CDC42EP1: variants seen among roughly 807,000 people sequenced by gnomAD.
CDC42EP1 encodes the protein 55 kDa bone marrow stromal/endothelial cell protein.
A neutral mutation model predicts 7.4 loss-of-function variants in CDC42EP1; 6 were observed. The observed-to-expected ratio is 0.81, with a 90% CI of 0.44 to 1.60. CDC42EP1 has a LOEUF of 1.60. Among genes scored for constraint, CDC42EP1 ranks in the 40% most tolerant of loss-of-function variants. The pLI is 0.01. For missense variants in CDC42EP1, 567 were observed against 539.0 expected (o/e 1.05, Z -0.51); for synonymous variants, 238 against 227.1 (o/e 1.05, Z -0.43).
chr22:37,563,221 C>G (rs769557630), intron 1 of CDC42EP1, among the ~76,000 whole-genome samples: 15 of 152,226 alleles, frequency 9.9e-5, no homozygotes, highest in Non-Finnish European at 1.8e-4. Context: ...GCTCCCATTC[C>G]TTCCCCCAGA....
intron 1 of CDC42EP1, among the ~76,000 whole-genome samples, chr22:37,562,153 A>C (rs898845833): frequency 6.6e-6 from 1 of 152,050 alleles, no homozygotes. Flanking sequence ...AGCCCTCCAA[A>C]TCGTCTTCCC....
chr22:37,561,971 T>C (rs903023422), intron 1 of CDC42EP1, among the ~76,000 whole-genome samples: 3 of 152,318 alleles, frequency 2.0e-5, no homozygotes, highest in African/African-American at 7.2e-5. Context: ...GCTCAGGCCA[T>C]GTGCCCAGGC....
At chr22:37,563,024 G>A (rs1339219096) in intron 1 of CDC42EP1, among the ~76,000 whole-genome samples, 2 of 152,052 alleles carry the variant, frequency 1.3e-5, no homozygotes, top group East Asian at 1.9e-4. Flanking sequence ...TGGGAGGATC[G>A]CTTGAGCCTG....
chr22:37,560,954 ATGTCTCCCCTCCGC>A (rs1428935383), intron 1 of CDC42EP1, among the ~76,000 whole-genome samples: 1 of 143,648 alleles, frequency 7.0e-6, no homozygotes, highest in African/African-American at 2.6e-5. Context: ...ACGCGGCGGA[ATGTCTCCCCTCCGC>A]CGAGGCCCAC....
At chr22:37,563,999 C>T (rs1479598055) in intron 1 of CDC42EP1, among the ~76,000 whole-genome samples, 2 of 152,228 alleles carry the variant, frequency 1.3e-5, no homozygotes, top group African/African-American at 2.4e-5. Flanking sequence ...CCTCCAAGTG[C>T]ATTGCCGATC....
intron 1 of CDC42EP1, among the ~76,000 whole-genome samples, chr22:37,561,127 C>T (rs1925025134): frequency 6.6e-6 from 1 of 152,178 alleles, no homozygotes. Context: ...CGTCCCCTTC[C>T]CCCGCGGAGC....
intron 1 of CDC42EP1, among the ~76,000 whole-genome samples, chr22:37,562,156 G>C (rs2235335): frequency 0.3 from 46,083 of 152,058 alleles, 7,189 homozygotes; most frequent in Middle Eastern, 0.34. Context: ...CCTCCAAATC[G>C]TCTTCCCCAT....
chr22:37,561,061 C>T (rs1011515380), intron 1 of CDC42EP1, among the ~76,000 whole-genome samples: 2 of 152,136 alleles, frequency 1.3e-5, no homozygotes, highest in Non-Finnish European at 2.9e-5. Context: ...GCATTCCAGG[C>T]TGGAGCCGCG....
At position 37,566,365 on chromosome 22, in the gene CDC42EP1, G is replaced by C. The variant is rs760004282; in HGVS notation, c.16G>C (p.Gly6Arg). The C allele has an allele frequency of 3.3e-6, 5 of 1,524,598 alleles. No individual in the cohort carries two copies. In the East Asian group the frequency reaches 7.3e-5, roughly 22 times the overall value. The allele number at this position is 1,524,598 out of a possible 1,614,324, so 94.4% of individuals were successfully genotyped here. A position where few individuals can be genotyped will look rare whatever the true frequency, so the allele number is the denominator to read the frequency against. Residue 6 changes from glycine (G) to arginine (R), a missense_variant, in exon 2 of 3, where the codon GGG becomes CGG. Transcript: ENST00000249014. This position sits in a 1 kb window ranked among gnomAD's most constrained non-coding sequence, Gnocchi z 6.4. ...GCCAGAGCTGATGCCCGGCCCCCAG[G>C]GGGGCAGAGGCGCCGCCACCATGAG... MPGPQ[G>R]GRGAATMSLG...
At position 37,568,752 on chromosome 22, in the gene CDC42EP1, C is replaced by G; in HGVS notation, c.1108C>G (p.Pro370Ala). ...APQAGSRTPV[P>A]STVQANTFEF... ...CCAGGCAGGCAGCAGGACCCCAGTGCCCAGCACAGTGCAAGCAAACACCTT... is the reference window on the plus strand; with the variant it reads ...CCAGGCAGGCAGCAGGACCCCAGTGGCCAGCACAGTGCAAGCAAACACCTT... Residue 370 changes from proline to alanine, a missense_variant, in exon 3 of 3, where the codon CCC (proline) becomes GCC (alanine). Physicochemically the swap from Pro to Ala is conservative, Grantham distance 27. Transcript: ENST00000249014. 1.3e-6 allele frequency: 2 copies of G among 1,517,082 alleles called. No individual in the cohort carries two copies. Among genetic ancestry groups the G allele is most frequent in the Non-Finnish European group, 1.8e-6 (2 of 1,133,842 alleles). The allele number at this position is 1,517,082 out of a possible 1,614,324, so 94.0% of individuals were successfully genotyped here.
At position 37,566,511 on chromosome 22, in the gene CDC42EP1, C is replaced by T. The variant is rs1021549691; in HGVS notation, c.162C>T (p.Gly54=). The change falls in exon 2 of 3, where the codon GGC becomes GGT. Residue 54 remains glycine (G), a synonymous_variant. Coordinates refer to ENST00000249014, the MANE Select transcript of CDC42EP1 (RefSeq NM_152243.3). This position sits in a 1 kb window ranked among gnomAD's most constrained non-coding sequence, Gnocchi z 6.4. ...DFRHTMHVGR[G]GDVFGDTSFL... ...GCCACACCATGCATGTGGGCCGTGG[C>T]GGGGATGTCTTCGGGGACACGTCCT... 39 of 1,612,024 alleles carry T rather than the reference C, an allele frequency of 2.4e-5. No homozygotes were observed. Among genetic ancestry groups the T allele is most frequent in the Admixed American group, 3.3e-5 (2 of 59,810 alleles).
Position 37,566,443 on chromosome 22 carries a change from C to T in CDC42EP1, c.94C>T (p.Arg32Trp), listed in dbSNP as rs1385547234. 2 of 1,610,942 alleles carry T rather than the reference C, an allele frequency of 1.2e-6. No individual in the cohort carries two copies. The highest frequency in any genetic ancestry group is 1.1e-5 in the South Asian group (1 of 90,492). The part of the protein sequence containing the change: ...GWVSSSQGKR[R>W]LTADMISHPL... ...GGTGTCCAGTTCACAGGGAAAGAGG[C>T]GGCTGACTGCAGACATGATCAGCCA... The change falls in exon 2 of 3, where the codon CGG (arginine) becomes TGG (tryptophan). Residue 32 changes from arginine to tryptophan, a missense_variant. Transcript: ENST00000249014. The surrounding 1 kb of genome is among the most constrained non-coding windows in gnomAD (Gnocchi z 6.4).
Position 37,560,510 on chromosome 22 carries a change from C to G in CDC42EP1, c.-357C>G, listed in dbSNP as rs1246297701. Reference sequence around the variant, plus strand: ...CCGGCCCAGCGACTCTCCCGGGCTGCCAGCCGGGACGCGCGGCCGCCGCCG... The same window carrying G: ...CCGGCCCAGCGACTCTCCCGGGCTGGCAGCCGGGACGCGCGGCCGCCGCCG... On this transcript the variant is annotated 5_prime_UTR_variant, in exon 1 of 3. Coordinates refer to ENST00000249014, the MANE Select transcript of CDC42EP1 (RefSeq NM_152243.3). The G allele has an allele frequency of 6.7e-6, 1 of 149,614 alleles. No homozygotes were observed. Among genetic ancestry groups the G allele is most frequent in the Non-Finnish European group, 1.5e-5 (1 of 67,050 alleles). 9.3% of individuals were successfully genotyped at this position (149,614 alleles called of 1,614,324 possible). A position where few individuals can be genotyped will look rare whatever the true frequency, so the allele number is the denominator to read the frequency against.
chr22:37,561,912 C>T (rs1191810774), intron 1 of CDC42EP1, among the ~76,000 whole-genome samples: 3 of 152,238 alleles, frequency 2.0e-5, no homozygotes, highest in East Asian at 1.9e-4. Context: ...CCTGTTGGCC[C>T]GATCCCGGCT....
At position 37,566,790 on chromosome 22, in the gene CDC42EP1, C is replaced by A. The variant is rs533958979; in HGVS notation, c.441C>A (p.Ser147=). Residue 147 remains serine, a synonymous_variant, in exon 2 of 3, where the codon TCC becomes TCA. Transcript: ENST00000249014. The surrounding 1 kb of genome is among the most constrained non-coding windows in gnomAD (Gnocchi z 6.4). ...KLSFDSSPTS[S]TDGHSSYGLD... is the part of the protein sequence containing the mutation. ...GCTTCGACAGCAGCCCCACCAGCTC[C>A]ACGGACGGCCACTCCAGCTACGGTG... The A allele has an allele frequency of 3.8e-6, 6 of 1,566,614 alleles. No individual in the cohort carries two copies. The East Asian group carries it at 1.3e-4, about 35-fold the overall frequency.
rs528047239 is a variant in CDC42EP1 at position 37,566,704 on chromosome 22, G to T, written c.355G>T (p.Ala119Ser). The T allele has an allele frequency of 1.4e-5, 23 of 1,611,794 alleles. No homozygotes were observed. The South Asian group carries it at 1.9e-4, about 13-fold the overall frequency. ...GGCCATCTCCCCCATCATCAAGAAC[G>T]CCATCTCCCTGCCCCAGCTCAACCA... is the stretch of plus-strand genomic sequence containing the variant. ...PPAISPIIKN[A>S]ISLPQLNQAA... The change falls in exon 2 of 3, where the codon GCC (alanine) becomes TCC (serine). Residue 119 changes from alanine (A) to serine (S), a missense_variant. Physicochemically the swap from Ala to Ser is moderately conservative, Grantham distance 99 (BLOSUM62 1). Coordinates refer to ENST00000249014, the MANE Select transcript of CDC42EP1 (RefSeq NM_152243.3). This position sits in a 1 kb window ranked among gnomAD's most constrained non-coding sequence, Gnocchi z 6.4.
intron 1 of CDC42EP1, among the ~76,000 whole-genome samples, chr22:37,560,822 G>A (rs1277960201): frequency 6.6e-6 from 1 of 152,018 alleles, no homozygotes; most frequent in African/African-American, 2.4e-5. Flanking sequence ...GGAGGGGGCA[G>A]AGGATCGGAC....
intron 1 of CDC42EP1, chr22:37,563,863 G>C (rs1346290823): frequency 6.6e-6 from 1 of 152,286 alleles, no homozygotes; most frequent in Non-Finnish European, 1.5e-5. Context: ...CCAGGGTGAT[G>C]TTTTGGCATG....
rs1203482800 is a variant in CDC42EP1, at chr22:37,568,497, C to T, written c.853C>T (p.His285Tyr). 6 of 1,608,718 alleles carry T rather than the reference C, an allele frequency of 3.7e-6. No homozygotes were observed. The highest frequency in any genetic ancestry group is 3.3e-5 in the South Asian group (3 of 90,230). ...APAASSTPHGHCPNGVTAGLG... is the reference protein window; with the variant it reads ...APAASSTPHGYCPNGVTAGLG... The stretch of plus-strand genomic sequence containing the variant: ...TGCCGCAAGCTCCACACCCCATGGA[C>T]ACTGTCCCAATGGGGTAACAGCTGG... The change falls in exon 3 of 3, where the codon CAC (histidine) becomes TAC (tyrosine). Residue 285 changes from histidine (H) to tyrosine (Y), a missense_variant. Physicochemically the swap from His to Tyr is moderately conservative, Grantham distance 83. Coordinates refer to ENST00000249014, the MANE Select transcript of CDC42EP1 (RefSeq NM_152243.3).
Sources: allele counts gnomAD v4.1 joint callset (sites outside exome capture counted in the v4.1 genomes callset), GRCh38; gene constraint gnomAD v4.1.1; non-coding constraint Gnocchi (gnomAD v3.1); transcripts MANE v1.5; gene names NCBI Gene and HGNC (gene_info 2026-07-23, HGNC 2026-07-21).